CAPN13: variants seen among roughly 807,000 people sequenced by gnomAD.
CAPN13 encodes the protein calpain 13.
In CAPN13, 90 loss-of-function variants were observed where a neutral mutation model predicts 98.4. The observed-to-expected ratio is 0.92, with a 90% CI of 0.77 to 1.09. The LOEUF is 1.09. Among genes scored for constraint, CAPN13 ranks in the 50% least tolerant of loss-of-function variants. CAPN13 has a pLI of 0.00. For synonymous variants in CAPN13, 330 were observed against 305.5 expected, an observed-to-expected ratio of 1.08 and a Z score of -0.84; for missense variants, 887 against 841.3, an observed-to-expected ratio of 1.05 and a Z score of -0.67.
At chr2:30,799,327 C>T (rs560003145) in intron 1 of CAPN13, among the ~76,000 whole-genome samples, 28 of 152,310 alleles carry the variant, frequency 1.8e-4, no homozygotes, top group African/African-American at 6.0e-4. Context: ...GCTTAAACAT[C>T]GGGTTTGAAG....
chr2:30,741,165 T>G (rs1371217226), intron 15 of CAPN13, among the ~76,000 whole-genome samples: 2 of 152,170 alleles, frequency 1.3e-5, no homozygotes, highest in Non-Finnish European at 2.9e-5. Context: ...ACAGCTGCTC[T>G]TTGCAACACA....
At chr2:30,806,331 A>G (rs1019548670) in intron 1 of CAPN13, 3 of 152,202 alleles carry the variant, frequency 2.0e-5, no homozygotes, top group African/African-American at 7.2e-5. Flanking sequence ...TTGGTAGATT[A>G]TTACATTTCC....
chr2:30,802,327 G>A (rs1675328292), intron 1 of CAPN13, among the ~76,000 whole-genome samples: 1 of 152,096 alleles, frequency 6.6e-6, no homozygotes, highest in Non-Finnish European at 1.5e-5. Context: ...TTCCATCCAA[G>A]CAGATGGGGT....
At position 30,731,366 on chromosome 2, in the gene CAPN13, C is replaced by T. The variant is rs558380156; in HGVS notation, c.1961G>A (p.Gly654Glu). Residue 654 changes from glycine to glutamate, a missense_variant, in exon 21 of 23, where the codon GGA (glycine) becomes GAA (glutamate). By Grantham distance (98) the Gly-to-Glu change is moderately conservative (BLOSUM62 -2). Transcript: ENST00000295055. ...TFRNLSKDGK[G>E]LYLTEMEWMS... ...CACCTCCATTTCTGTCAGGTAGAGT[C>T]CTTTTCCATCCTTAGAGAGGTTGCG... 4.3e-6 allele frequency: 7 copies of T among 1,610,590 alleles called. No homozygotes were observed. The Admixed American group carries it at 5.0e-5, about 12-fold the overall frequency.
chr2:30,779,056 G>T (rs550391879), intron 2 of CAPN13, among the ~76,000 whole-genome samples: 1 of 152,342 alleles, frequency 6.6e-6, no homozygotes, highest in South Asian at 2.1e-4. Flanking sequence ...TCTCAAAGGA[G>T]GCCTGCTGTC....
chr2:30,755,682 A>G (rs1050646799), intron 8 of CAPN13, among the ~76,000 whole-genome samples: 2 of 152,182 alleles, frequency 1.3e-5, no homozygotes, highest in Non-Finnish European at 2.9e-5. Flanking sequence ...ATGAGCTTGC[A>G]TGGGGAGCCT....
At chr2:30,750,494 T>C (rs1019971244) in intron 11 of CAPN13, among the ~76,000 whole-genome samples, 2 of 152,004 alleles carry the variant, frequency 1.3e-5, no homozygotes, top group African/African-American at 4.8e-5. Flanking sequence ...AGAGAGAGCC[T>C]AGGTGGAAAG....
intron 2 of CAPN13, among the ~76,000 whole-genome samples, chr2:30,778,683 T>C (rs1673828396): frequency 6.6e-6 from 1 of 152,090 alleles, no homozygotes; most frequent in Non-Finnish European, 1.5e-5. Context: ...AGATGCACAC[T>C]AAGGGGAAAA....
intron 12 of CAPN13, chr2:30,743,781 A>C: frequency 2.9e-6 from 2 of 684,936 alleles, no homozygotes; most frequent in Admixed American, 4.0e-5. Flanking sequence ...CCTGGACACA[A>C]TGGATGCAAG....
intron 7 of CAPN13, among the ~76,000 whole-genome samples, chr2:30,758,354 C>T (rs141607115): frequency 4.6e-5 from 7 of 152,350 alleles, no homozygotes; most frequent in East Asian, 1.9e-4. Flanking sequence ...CCCCTCATTC[C>T]GCTCAGCCCC....
intron 8 of CAPN13, among the ~76,000 whole-genome samples, chr2:30,755,595 C>A (rs1558311524): frequency 6.6e-6 from 1 of 152,056 alleles, no homozygotes; most frequent in Non-Finnish European, 1.5e-5. Context: ...CTCCTTCAGT[C>A]CACTCCTTAG....
Position 30,752,906 on chromosome 2 carries a change from T to C in CAPN13, c.1087+147A>G, listed in dbSNP as rs1404113127. ...TCATTTTACTTAGAGGAGCAGTCGC[T>C]GTCTCTTCATGCTGACAAACTCCCC... On this transcript the variant is annotated intron_variant, in intron 10 of 22. Coordinates refer to ENST00000295055, the MANE Select transcript of CAPN13 (RefSeq NM_144575.3). 83 of 847,068 alleles carry C rather than the reference T, an allele frequency of 9.8e-5. No homozygotes were observed. The East Asian group carries it at 2.0e-3, about 20-fold the overall frequency. 52.5% of individuals were successfully genotyped at this position (847,068 alleles called of 1,614,324 possible).
chr2:30,766,160 A>G (rs1673099191), intron 5 of CAPN13, among the ~76,000 whole-genome samples: 1 of 152,210 alleles, frequency 6.6e-6, no homozygotes, highest in Non-Finnish European at 1.5e-5. Flanking sequence ...CTTTCTGGTG[A>G]TACGCTCAGG....
chr2:30,793,107 G>GCCCA (rs1184138125), intron 1 of CAPN13, among the ~76,000 whole-genome samples: 1 of 151,684 alleles, frequency 6.6e-6, no homozygotes, highest in African/African-American at 2.4e-5. Context: ...AGGCAAGAAT[G>GCCCA]CCCACTGTTA....
intron 2 of CAPN13, among the ~76,000 whole-genome samples, chr2:30,785,944 C>G (rs1165864206): frequency 6.6e-6 from 1 of 152,192 alleles, no homozygotes; most frequent in African/African-American, 2.4e-5. Context: ...TGAAACACCC[C>G]ACTTTTCTCT....
chr2:30,757,596 C>G (rs757320415), intron 8 of CAPN13, among the ~76,000 whole-genome samples: 34 of 152,204 alleles, frequency 2.2e-4, no homozygotes, highest in Non-Finnish European at 4.7e-4. Flanking sequence ...CCTTTTCCAC[C>G]CTGATGATGT....
At position 30,764,189 on chromosome 2, in the gene CAPN13, C is replaced by T; in HGVS notation, c.642G>A (p.Lys214=). The part of the protein sequence containing the change: ...HLHSSPVDLV[K]AVKTATKAGS... ...CTGCCTTGGTCGCTGTCTTCACTGC[C>T]TTCACCAGGTCCACAGGGGAAGAGT... Residue 214 remains lysine, a synonymous_variant, in exon 6 of 23, where the codon AAG becomes AAA. Transcript: ENST00000295055. 1 of 1,606,510 alleles carries T rather than the reference C, an allele frequency of 6.2e-7. No individual in the cohort carries two copies.
Position 30,764,255 on chromosome 2 carries a change from C to A in CAPN13, c.576G>T (p.Leu192=). 6.2e-7 allele frequency: 1 copy of A among 1,613,746 alleles called. No individual in the cohort carries two copies. The highest frequency in any genetic ancestry group is 8.5e-7 in the Non-Finnish European group (1 of 1,179,844). ...TGATCACGCCTCCTGTGAGGTCCAC[C>A]AGGGCATCCTCGAGGAAGCCATAGT... is the stretch of plus-strand genomic sequence containing the variant. ...DLHYGFLEDA[L]VDLTGGVITN... is the part of the protein sequence containing the mutation. The change falls in exon 6 of 23, where the codon CTG becomes CTT. Residue 192 remains leucine (L), a synonymous_variant. Coordinates refer to ENST00000295055, the MANE Select transcript of CAPN13 (RefSeq NM_144575.3).
intron 13 of CAPN13, 56 bp downstream of exon 13, chr2:30,743,327 G>C: frequency 6.9e-7 from 1 of 1,452,498 alleles, no homozygotes; most frequent in Non-Finnish European, 9.7e-7. Flanking sequence ...ATTACACAAT[G>C]TGTTTTTATA....
Sources: gnomAD v4.1 joint callset for allele counts (sites outside exome capture counted in the v4.1 genomes callset) on GRCh38, gnomAD v4.1.1 for gene constraint, MANE v1.5 for transcripts, NCBI Gene and HGNC (gene_info 2026-07-23, HGNC 2026-07-21) for gene names.